The following RAPGEF4 variants were observed in gnomAD, a reference collection of about 807,000 sequenced individuals.
The protein encoded by RAPGEF4 is Rap guanine nucleotide exchange factor 4.
Under a neutral mutation model 147.9 loss-of-function variants are expected in RAPGEF4, and 66 were observed. The observed-to-expected ratio is 0.45, with a 90% CI of 0.37 to 0.55. The LOEUF is 0.55. Among genes scored for constraint, RAPGEF4 ranks in the 20% least tolerant of loss-of-function variants. RAPGEF4 has a pLI of 0.00. For missense variants in RAPGEF4, 1,071 were observed against 1,257.3 expected, an observed-to-expected ratio of 0.85 and a Z score of 2.24; for synonymous variants, 419 against 442.7, an observed-to-expected ratio of 0.95 and a Z score of 0.67.
chr2:173,030,861 G>A (rs961033037), intron 26 of RAPGEF4, among the ~76,000 whole-genome samples: 1 of 152,182 alleles, frequency 6.6e-6, no homozygotes, highest in Admixed American at 6.5e-5. Flanking sequence ...TGAATGGTTT[G>A]TCGAGAGTTG....
In RAPGEF4 at chr2:172,996,466, G is replaced by T. The variant is rs1384350191; in HGVS notation, c.1491G>T (p.Lys497Asn). The T allele has an allele frequency of 1.3e-6, 2 of 1,547,914 alleles. No individual in the cohort carries two copies. The highest frequency in any genetic ancestry group is 1.7e-6 in the Non-Finnish European group (2 of 1,151,580). ...SNQGNSQPQQKYTVMSGTPEK... is the reference protein window; with the variant it reads ...SNQGNSQPQQNYTVMSGTPEK... ...AATGGCATTTTTGTTTCTTATCCAG[G>T]TATACTGTGATGTCAGGAACACCTG... is the stretch of plus-strand genomic sequence containing the variant. Residue 497 changes from lysine to asparagine, a missense_variant and splice_region_variant, in exon 16 of 31, where the codon AAG becomes AAT. Lys to Asn is a moderately conservative substitution (Grantham distance 94). Coordinates refer to ENST00000397081, the MANE Select transcript of RAPGEF4 (RefSeq NM_007023.4).
intron 4 of RAPGEF4, among the ~76,000 whole-genome samples, chr2:172,834,974 C>T (rs943269764): frequency 2.6e-5 from 4 of 152,154 alleles, no homozygotes; most frequent in East Asian, 1.9e-4. Context: ...AGTTGACTGG[C>T]GCCCTCTGAG....
At chr2:172,821,125 A>G (rs1213999323) in intron 4 of RAPGEF4, among the ~76,000 whole-genome samples, 1 of 152,226 alleles carries the variant, frequency 6.6e-6, no homozygotes, top group African/African-American at 2.4e-5. Context: ...AAAAATTAAT[A>G]TCTCAGAACA....
chr2:173,034,779 TG>T (rs1683710262), intron 27 of RAPGEF4, among the ~76,000 whole-genome samples: 1 of 150,828 alleles, frequency 6.6e-6, no homozygotes, highest in South Asian at 2.1e-4. Context: ...GAGGCGGAGA[TG>T]GGAAGATCGC....
At chr2:172,961,845 T>A (rs1689331549) in intron 8 of RAPGEF4, among the ~76,000 whole-genome samples, 1 of 152,228 alleles carries the variant, frequency 6.6e-6, no homozygotes, top group East Asian at 1.9e-4. Context: ...GCTCTAAGAA[T>A]ACAGCAGTGA....
At chr2:172,988,492 A>G (rs1290027689) in intron 13 of RAPGEF4, among the ~76,000 whole-genome samples, 1 of 152,198 alleles carries the variant, frequency 6.6e-6, no homozygotes, top group African/African-American at 2.4e-5. Flanking sequence ...TAGTGTGTAC[A>G]TTTAAGTTAA....
At chr2:172,993,705 C>T (rs1693051347) in intron 15 of RAPGEF4, among the ~76,000 whole-genome samples, 1 of 152,170 alleles carries the variant, frequency 6.6e-6, no homozygotes. Context: ...TTCAGCCAAA[C>T]CCAGAACCCC....
chr2:172,789,365 A>C (rs748347035), intron 1 of RAPGEF4, among the ~76,000 whole-genome samples: 1 of 152,176 alleles, frequency 6.6e-6, no homozygotes, highest in Non-Finnish European at 1.5e-5. Flanking sequence ...CCTCAAAAGG[A>C]TTATACAAGG....
chr2:172,774,448 G>A (rs1285465095), intron 1 of RAPGEF4, among the ~76,000 whole-genome samples: 1 of 152,116 alleles, frequency 6.6e-6, no homozygotes, highest in Admixed American at 6.5e-5. Context: ...GGCTGTTCCT[G>A]GCCTGTCATT....
At chr2:172,777,262 A>T (rs892596985) in intron 1 of RAPGEF4, among the ~76,000 whole-genome samples, 9 of 149,916 alleles carry the variant, frequency 6.0e-5, no homozygotes, top group Non-Finnish European at 1.5e-5. Context: ...AAAATAACAA[A>T]TAAAAAAGGT....
intron 4 of RAPGEF4, among the ~76,000 whole-genome samples, chr2:172,827,826 CAG>C (rs1689840281): frequency 6.6e-6 from 1 of 152,168 alleles, no homozygotes; most frequent in Admixed American, 6.5e-5. Context: ...GATGCATAGA[CAG>C]AGCAGGGGTT....
intron 4 of RAPGEF4, among the ~76,000 whole-genome samples, chr2:172,897,583 G>A (rs1575167312): frequency 6.6e-6 from 1 of 150,634 alleles, no homozygotes; most frequent in Admixed American, 6.6e-5. Context: ...ATTTTTTTTT[G>A]TAGAGACAGA....
At chr2:172,819,674 C>T (rs1220789476) in intron 4 of RAPGEF4, among the ~76,000 whole-genome samples, 924 of 116,906 alleles carry the variant, frequency 7.9e-3, no homozygotes, top group South Asian at 9.7e-3. Context: ...ACCGTTTTAG[C>T]CAGGATGGTC....
At chr2:172,825,854 T>G (rs961840164) in intron 4 of RAPGEF4, among the ~76,000 whole-genome samples, 6 of 152,370 alleles carry the variant, frequency 3.9e-5, no homozygotes, top group Non-Finnish European at 7.3e-5. Context: ...TAATAATGTG[T>G]TTTACCCAAT....
chr2:172,899,922 G>A (rs574290493), intron 4 of RAPGEF4, among the ~76,000 whole-genome samples: 5 of 152,204 alleles, frequency 3.3e-5, no homozygotes, highest in South Asian at 2.1e-4. Flanking sequence ...GGCCAAGCAC[G>A]TGAGGTGGAT....
At chr2:173,026,850 A>G (rs41268707) in intron 24 of RAPGEF4, among the ~76,000 whole-genome samples, 153 bp downstream of exon 24, 2,278 of 152,340 alleles carry the variant, frequency 0.015, 22 homozygotes, top group Non-Finnish European at 0.023. Flanking sequence ...CATGCTATAA[A>G]GCCTTTGAGT....
At position 172,931,124 on chromosome 2, in the gene RAPGEF4, T is replaced by G. The variant is rs572438810; in HGVS notation, c.537+8824T>G. Among the ~76,000 whole-genome samples the G allele has an allele frequency of 2.8e-3, 344 of 124,482 alleles. 3 individuals carry two copies. The highest frequency in any genetic ancestry group is 1.0e-2 in the African/African-American group (324 of 32,524). 81.7% of individuals were successfully genotyped at this position (124,482 alleles called of 152,430 possible). A position where few individuals can be genotyped will look rare whatever the true frequency, so the allele number is the denominator to read the frequency against. ...AGTTTCCTCACTGGTATAATGGTGA[T>G]CTGACTTACCACAATAAAAGGATTA... On this transcript the variant is annotated intron_variant, in intron 6 of 30. Transcript: ENST00000397081.
chr2:172,782,342 G>A (rs1226854482), intron 1 of RAPGEF4, among the ~76,000 whole-genome samples: 2 of 152,184 alleles, frequency 1.3e-5, no homozygotes, highest in East Asian at 3.9e-4. Flanking sequence ...ACTGTTCCAG[G>A]TAAAGTTCTT....
rs190371875 is a variant in RAPGEF4 at position 173,037,929 on chromosome 2, G to C, written c.2853+1237G>C. On this transcript the variant is annotated intron_variant, in intron 29 of 30. Transcript: ENST00000397081. The stretch of plus-strand genomic sequence containing the variant: ...TTGTTTCTTGAAATCAAGCTGGCAC[G>C]TGTGACTCCAGGAGAATCTGAAACA... Among the ~76,000 whole-genome samples the C allele has an allele frequency of 1.1e-4, 17 of 152,260 alleles. No homozygotes were observed. The South Asian group carries it at 3.5e-3, about 32-fold the overall frequency.
Sources: allele counts gnomAD v4.1 joint callset (sites outside exome capture counted in the v4.1 genomes callset), GRCh38; gene constraint gnomAD v4.1.1; transcripts MANE v1.5; gene names NCBI Gene and HGNC (gene_info 2026-07-23, HGNC 2026-07-21).